Variants in LAMC3 observed in about 807,000 individuals in gnomAD.
LAMC3 encodes laminin subunit gamma-3.
LAMC3 carries 128 observed loss-of-function variants against 173.8 expected under a neutral mutation model. The observed-to-expected ratio is 0.74, with a 90% CI of 0.64 to 0.85. The LOEUF (loss-of-function observed/expected upper bound fraction) is 0.85, where lower values mean the gene tolerates loss of function less well. Among genes scored for constraint, LAMC3 ranks in the 40% least tolerant of loss-of-function variants. The pLI is 0.00. For synonymous variants in LAMC3, 897 were observed against 909.1 expected, an observed-to-expected ratio of 0.99 and a Z score of 0.24; for missense variants, 2,022 against 2,156.0, an observed-to-expected ratio of 0.94 and a Z score of 1.23.
At position 131,009,982 on chromosome 9, in the gene LAMC3, C is replaced by T. The variant is rs1020137212; in HGVS notation, c.373+395C>T. On this transcript the variant is annotated intron_variant, in intron 1 of 27. Transcript: ENST00000361069. The surrounding 1 kb of genome is among the most constrained non-coding windows in gnomAD (Gnocchi z 4.3). ...CAGCCTGGCCAACATGGTGAAAACC[C>T]GTCTCTACTAAAAATAGAAAATTTG... Among the ~76,000 whole-genome samples, 3 of 151,662 alleles carry T rather than the reference C, an allele frequency of 2.0e-5. No individual in the cohort carries two copies. Among genetic ancestry groups the T allele is most frequent in the South Asian group, 2.1e-4 (1 of 4,786 alleles).
At chr9:131,027,473 T>A (rs1197557852) in intron 2 of LAMC3, among the ~76,000 whole-genome samples, 1 of 152,134 alleles carries the variant, frequency 6.6e-6, no homozygotes. Flanking sequence ...ACGCTGTAAG[T>A]CCGTGCCAAC....
intron 21 of LAMC3, among the ~76,000 whole-genome samples, chr9:131,076,271 T>A (rs893204799): frequency 1.3e-5 from 2 of 152,102 alleles, no homozygotes; most frequent in East Asian, 1.9e-4. Flanking sequence ...CTGACCCCCC[T>A]GGCCCCGGCG....
At chr9:131,018,510 A>G (rs901028782) in intron 1 of LAMC3, among the ~76,000 whole-genome samples, 7 of 152,094 alleles carry the variant, frequency 4.6e-5, no homozygotes, top group African/African-American at 1.4e-4. Context: ...CCAGGGGCCA[A>G]TGAGGCTTCT....
At chr9:131,079,097 G>T in intron 22 of LAMC3, 52 bp from the exon 23 acceptor site, 1 of 1,596,824 alleles carries the variant, frequency 6.3e-7, no homozygotes, top group Non-Finnish European at 8.5e-7. Context: ...GAGAGGATCC[G>T]CTGCTTGCCC....
chr9:131,012,077 A>T (rs1386299604), intron 1 of LAMC3, among the ~76,000 whole-genome samples: 1 of 151,694 alleles, frequency 6.6e-6, no homozygotes, highest in Non-Finnish European at 1.5e-5. Context: ...ACACACACAC[A>T]CACACACACA....
chr9:131,052,978 A>C lies in LAMC3; in HGVS notation c.1939+13A>C. ...CCCAGCCCTGCCGGTCAGTAAAGAC[A>C]ACCACATGCCCAAGACCCGAGTGCT... is the stretch of plus-strand genomic sequence containing the variant. On this transcript the variant is annotated intron_variant, in intron 11 of 27. Coordinates refer to ENST00000361069, the MANE Select transcript of LAMC3 (RefSeq NM_006059.4). The C allele has an allele frequency of 6.3e-7, 1 of 1,584,496 alleles. No homozygotes were observed. The highest frequency in any genetic ancestry group is 8.7e-7 in the Non-Finnish European group (1 of 1,155,528).
In LAMC3 at chr9:131,029,301, T is replaced by C. The variant is rs1833783818; in HGVS notation, c.678+2712T>C. ...AATTGTACATGTCACCATGATTTTA[T>C]TTAAAAATTACAATTTCTTCTCCAC... is the stretch of plus-strand genomic sequence containing the variant. On this transcript the variant is annotated intron_variant, in intron 2 of 27. Coordinates refer to ENST00000361069, the MANE Select transcript of LAMC3 (RefSeq NM_006059.4). This position sits in a 1 kb window ranked among gnomAD's most constrained non-coding sequence, Gnocchi z 4.6. Among the ~76,000 whole-genome samples, 1 of 152,216 alleles carries C rather than the reference T, an allele frequency of 6.6e-6. No individual in the cohort carries two copies. Among genetic ancestry groups the C allele is most frequent in the African/African-American group, 2.4e-5 (1 of 41,448 alleles).
Position 131,071,602 on chromosome 9 carries a change from A to G in LAMC3, c.3188A>G (p.Tyr1063Cys), listed in dbSNP as rs752049449. Residue 1063 changes from tyrosine (Y) to cysteine (C), a missense_variant, in exon 18 of 28, where the codon TAC becomes TGC. Tyr to Cys is a radical substitution (Grantham distance 194, BLOSUM62 -2). Transcript: ENST00000361069. Reference sequence around the variant, plus strand: ...GGAGAGGCCCCAAGGGGGGACGTCTACCAGGGCCATCACCTGCTTCCAGGT... The same window carrying G: ...GGAGAGGCCCCAAGGGGGGACGTCTGCCAGGGCCATCACCTGCTTCCAGGT... Reference protein sequence around the residue: ...LLGEAPRGDVYQGHHLLPGAR... With the variant: ...LLGEAPRGDVCQGHHLLPGAR... The G allele has an allele frequency of 2.4e-5, 38 of 1,597,504 alleles. 1 individual carries two copies. In the Admixed American group the frequency reaches 6.2e-4, roughly 26 times the overall value.
chr9:131,076,462 C>T (rs1830128856), intron 21 of LAMC3, among the ~76,000 whole-genome samples: 1 of 152,158 alleles, frequency 6.6e-6, no homozygotes. Context: ...CGAGACATTC[C>T]TAAACGAGAA....
Position 131,010,014 on chromosome 9 carries a change from C to T in LAMC3, c.373+427C>T, listed in dbSNP as rs547215060. Among the ~76,000 whole-genome samples the T allele has an allele frequency of 1.1e-4, 16 of 151,830 alleles. No individual in the cohort carries two copies. In the East Asian group the frequency reaches 1.7e-3, roughly 17 times the overall value. On this transcript the variant is annotated intron_variant, in intron 1 of 27. Transcript: ENST00000361069. ...ACTAAAAATAGAAAATTTGGCCGGG[C>T]GTGGTGGTAGGTGCCTGTAGTTCCA...
At chr9:131,047,994 C>T (rs1367311517) in intron 8 of LAMC3, among the ~76,000 whole-genome samples, 2 of 150,864 alleles carry the variant, frequency 1.3e-5, no homozygotes, top group African/African-American at 4.9e-5. Flanking sequence ...GATCCATCTG[C>T]CTCGGCCTCC....
At position 131,026,282 on chromosome 9, in the gene LAMC3, C is replaced by T. The variant is rs774687837; in HGVS notation, c.374-3C>T. ...AAAATGGGCCCCGTTTTCCTGGCTG[C>T]AGGGAAGGCTTATGAGATCACGTAT... On this transcript the variant is annotated splice_region_variant and splice_polypyrimidine_tract_variant and intron_variant, in intron 1 of 27. Coordinates refer to ENST00000361069, the MANE Select transcript of LAMC3 (RefSeq NM_006059.4). The surrounding 1 kb of genome is among the most constrained non-coding windows in gnomAD (Gnocchi z 4.8). 17 of 1,613,910 alleles carry T rather than the reference C, an allele frequency of 1.1e-5. No individual in the cohort carries two copies. The highest frequency in any genetic ancestry group is 1.4e-5 in the Non-Finnish European group (16 of 1,179,982).
At chr9:131,045,711 G>T in intron 8 of LAMC3, 51 bp downstream of exon 8, 1 of 1,606,242 alleles carries the variant, frequency 6.2e-7, no homozygotes. Context: ...CCCAGCCTAG[G>T]CAGGTGATCC....
Position 131,016,493 on chromosome 9 carries a change from C to T in LAMC3, c.373+6906C>T, listed in dbSNP as rs572637739. ...TGAAGACCCACAAGAATATTCCTGG[C>T]CTTTGGCAAAGGAATCCTACTTCTG... is the stretch of plus-strand genomic sequence containing the variant. On this transcript the variant is annotated intron_variant, in intron 1 of 27. Coordinates refer to ENST00000361069, the MANE Select transcript of LAMC3 (RefSeq NM_006059.4). Among the ~76,000 whole-genome samples the T allele has an allele frequency of 7.2e-5, 11 of 152,276 alleles. No homozygotes were observed. The East Asian group carries it at 1.3e-3, about 19-fold the overall frequency.
intron 1 of LAMC3, among the ~76,000 whole-genome samples, chr9:131,022,556 T>A (rs998814262): frequency 7.3e-5 from 11 of 151,636 alleles, no homozygotes; most frequent in African/African-American, 2.2e-4. Context: ...TAGAATATAT[T>A]TATTTATTTA....
intron 13 of LAMC3, among the ~76,000 whole-genome samples, chr9:131,062,440 C>T (rs1379157806): frequency 3.9e-5 from 6 of 152,258 alleles, no homozygotes; most frequent in Middle Eastern, 3.4e-3. Context: ...ATATATATAA[C>T]GTAAAATTTG....
At chr9:131,032,760 C>T (rs1204034721) in intron 3 of LAMC3, among the ~76,000 whole-genome samples, 2 of 152,182 alleles carry the variant, frequency 1.3e-5, no homozygotes, top group African/African-American at 4.8e-5. Flanking sequence ...CCTCTGCCTC[C>T]CAGGTTCAAG....
At chr9:131,081,145 T>C (rs941509175) in intron 23 of LAMC3, among the ~76,000 whole-genome samples, 4 of 152,342 alleles carry the variant, frequency 2.6e-5, no homozygotes, top group Non-Finnish European at 4.4e-5. Flanking sequence ...AGAAATGGAA[T>C]CGTGTAATAT....
intron 22 of LAMC3, 63 bp from the exon 23 acceptor site, chr9:131,079,086 G>A (rs775002279): frequency 7.5e-5 from 119 of 1,585,200 alleles, no homozygotes; most frequent in Non-Finnish European, 9.9e-5. Context: ...CCTCCCCCAA[G>A]GAGAGGATCC....
Sources: allele counts gnomAD v4.1 joint callset (sites outside exome capture counted in the v4.1 genomes callset), GRCh38; gene constraint gnomAD v4.1.1; non-coding constraint Gnocchi (gnomAD v3.1); transcripts MANE v1.5; gene names NCBI Gene and HGNC (gene_info 2026-07-23, HGNC 2026-07-21).